Variants in RASL10B observed in about 807,000 individuals in gnomAD.
The protein encoded by RASL10B is RAS like family 10 member B.
In RASL10B, 10 loss-of-function variants were observed where a neutral mutation model predicts 20.7. That is an observed-to-expected ratio of 0.48 (90% CI 0.30 to 0.82). The LOEUF (loss-of-function observed/expected upper bound fraction) is 0.82. Ranked by LOEUF, RASL10B falls within the 40% of genes least tolerant of loss-of-function variation. RASL10B has a pLI of 0.07. For missense variants in RASL10B, 231 were observed against 295.4 expected (o/e 0.78, Z 1.60); for synonymous variants, 110 against 123.3 (o/e 0.89, Z 0.72).
intron 2 of RASL10B, among the ~76,000 whole-genome samples, chr17:35,736,097 G>A (rs587615203): frequency 2.0e-5 from 3 of 152,272 alleles, no homozygotes; most frequent in Admixed American, 2.0e-4. Context: ...CACCCTCCCT[G>A]CCAGGTTTGG....
chr17:35,733,610 A>C (rs1156452319), intron 1 of RASL10B, among the ~76,000 whole-genome samples: 1 of 152,158 alleles, frequency 6.6e-6, no homozygotes, highest in African/African-American at 2.4e-5. Context: ...CGGCGAACCC[A>C]CCTGCCCTGG....
chr17:35,741,331 C>A lies in RASL10B; in HGVS notation c.*26C>A, dbSNP rs1426056077. On this transcript the variant is annotated 3_prime_UTR_variant, in exon 4 of 4. Coordinates refer to ENST00000603017, the MANE Select transcript of RASL10B (RefSeq NM_033315.4). ...CGCCTGCGCGCCCCTCGGGCTGCAC[C>A]GGCACTGGCCGAGCGGAGGGCGGGG... The A allele has an allele frequency of 2.8e-6, 4 of 1,410,784 alleles. No individual in the cohort carries two copies. Among genetic ancestry groups the A allele is most frequent in the Non-Finnish European group, 3.7e-6 (4 of 1,086,744 alleles). 87.4% of individuals were successfully genotyped at this position (1,410,784 alleles called of 1,614,324 possible). A position where few individuals can be genotyped will look rare whatever the true frequency, so the allele number is the denominator to read the frequency against.
rs587629688 is a variant in RASL10B at position 35,742,315 on chromosome 17, A to G, written c.*1010A>G. On this transcript the variant is annotated 3_prime_UTR_variant, in exon 4 of 4. Transcript: ENST00000603017. The stretch of plus-strand genomic sequence containing the variant: ...AATTCTGTTGCCCCGTCTCAACCCC[A>G]TCTGACTACCCCAGACTCTGCCTGC... 6.6e-6 allele frequency: 1 copy of G among 152,476 alleles called. No homozygotes were observed. Among genetic ancestry groups the G allele is most frequent in the South Asian group, 2.1e-4 (1 of 4,826 alleles). 9.4% of individuals were successfully genotyped at this position (152,476 alleles called of 1,614,324 possible).
At chr17:35,734,019 G>A (rs1230333310) in intron 1 of RASL10B, among the ~76,000 whole-genome samples, 6 of 152,340 alleles carry the variant, frequency 3.9e-5, no homozygotes, top group African/African-American at 9.6e-5. Context: ...ACTTGGCCAG[G>A]CGCGGTGACT....
chr17:35,732,453 C>G (rs1450247903), intron 1 of RASL10B, among the ~76,000 whole-genome samples: 3 of 152,214 alleles, frequency 2.0e-5, no homozygotes, highest in Non-Finnish European at 4.4e-5. Context: ...CTGGGACAGC[C>G]CCCTCCCTTC....
At chr17:35,740,588 C>T in intron 3 of RASL10B, 55 bp downstream of exon 3, 2 of 1,590,546 alleles carry the variant, frequency 1.3e-6, no homozygotes, top group Non-Finnish European at 1.7e-6. Context: ...CAGTGCTAGC[C>T]AGTCCCTGTG....
rs1555597930 is a variant in RASL10B, at chr17:35,741,308, C to T, written c.*3C>T. The T allele has an allele frequency of 6.8e-7, 1 of 1,473,036 alleles. No individual in the cohort carries two copies. Among genetic ancestry groups the T allele is most frequent in the South Asian group, 1.3e-5 (1 of 74,932 alleles). 91.2% of individuals were successfully genotyped at this position (1,473,036 alleles called of 1,614,324 possible). ...GCAACCGCTGCGCCATCATGTGACG[C>T]CTGCGCGCCCCTCGGGCTGCACCGG... On this transcript the variant is annotated 3_prime_UTR_variant, in exon 4 of 4. Transcript: ENST00000603017.
intron 1 of RASL10B, among the ~76,000 whole-genome samples, chr17:35,732,464 C>A (rs1464316309): frequency 6.6e-6 from 1 of 152,224 alleles, no homozygotes; most frequent in South Asian, 2.1e-4. Flanking sequence ...CCCTCCCTTC[C>A]GCACTCAGCC....
At position 35,743,169 on chromosome 17, in the gene RASL10B, C is replaced by G. The variant is rs1287188569; in HGVS notation, c.*1864C>G. On this transcript the variant is annotated 3_prime_UTR_variant, in exon 4 of 4. Coordinates refer to ENST00000603017, the MANE Select transcript of RASL10B (RefSeq NM_033315.4). ...AACAAAGAGGGCCTGCCCCTTTAGT[C>G]TCCTGCACCCCTGCCCCCTGGTTCA... is the stretch of plus-strand genomic sequence containing the variant. The G allele has an allele frequency of 6.5e-6, 1 of 152,758 alleles. No individual in the cohort carries two copies. The highest frequency in any genetic ancestry group is 1.5e-5 in the Non-Finnish European group (1 of 68,148). The allele number at this position is 152,758 out of a possible 1,614,324, so 9.5% of individuals were successfully genotyped here. A position where few individuals can be genotyped will look rare whatever the true frequency, so the allele number is the denominator to read the frequency against.
intron 3 of RASL10B, 60 bp downstream of exon 3, chr17:35,740,593 C>T: frequency 4.4e-6 from 7 of 1,586,016 alleles, no homozygotes; most frequent in Non-Finnish European, 6.0e-6. Flanking sequence ...CTAGCCAGTC[C>T]CTGTGAAAAG....
At chr17:35,738,615 T>C (rs782294158) in intron 2 of RASL10B, among the ~76,000 whole-genome samples, 2 of 152,278 alleles carry the variant, frequency 1.3e-5, no homozygotes, top group Non-Finnish European at 2.9e-5. Flanking sequence ...TCCCTTTCTA[T>C]TGCTCCTTCT....
chr17:35,740,568 GT>G, intron 3 of RASL10B, 35 bp downstream of exon 3: 1 of 1,605,424 alleles, frequency 6.2e-7, no homozygotes, highest in African/African-American at 1.3e-5. Flanking sequence ...TGCCACCTCT[GT>G]GGATGCCCCA....
intron 2 of RASL10B, 71 bp from the exon 3 acceptor site, chr17:35,740,338 T>C: frequency 1.8e-5 from 29 of 1,570,896 alleles, no homozygotes; most frequent in Non-Finnish European, 2.5e-5. Flanking sequence ...GCCCCTCTGA[T>C]GGGAGGTGTT....
chr17:35,739,442 C>T (rs1308013500), intron 2 of RASL10B, among the ~76,000 whole-genome samples: 1 of 152,130 alleles, frequency 6.6e-6, no homozygotes, highest in Admixed American at 6.5e-5. Flanking sequence ...GCAGCTGGCA[C>T]GTTGACTAAT....
In RASL10B at chr17:35,742,098, CTTT is replaced by C. The variant is rs11306545; in HGVS notation, c.*803_*805del. 3 of 146,750 alleles carry C rather than the reference CTTT, an allele frequency of 2.0e-5. No individual in the cohort carries two copies. Among genetic ancestry groups the C allele is most frequent in the African/African-American group, 2.5e-5 (1 of 39,922 alleles). The allele number at this position is 146,750 out of a possible 1,614,324, so 9.1% of individuals were successfully genotyped here. ...CACCCCCTGGGTTAAAACTTTTTTT[CTTT>C]TTTTTTTTTGGACAGAGTGTGGAAA... On this transcript the variant is annotated 3_prime_UTR_variant, in exon 4 of 4. Coordinates refer to ENST00000603017, the MANE Select transcript of RASL10B (RefSeq NM_033315.4).
chr17:35,737,022 G>A (rs2085597580), intron 2 of RASL10B: 1 of 152,196 alleles, frequency 6.6e-6, no homozygotes, highest in Admixed American at 6.5e-5. Flanking sequence ...CCAAAGTACT[G>A]GGATTATAGG....
chr17:35,741,589 G>C lies in RASL10B; in HGVS notation c.*284G>C. On this transcript the variant is annotated 3_prime_UTR_variant, in exon 4 of 4. Coordinates refer to ENST00000603017, the MANE Select transcript of RASL10B (RefSeq NM_033315.4). ...CGGGGGTGCCACAGCCTTTTGGGATGGGGGTGAGCGTGCAATGGAGGCTGG... is the reference window on the plus strand; with the variant it reads ...CGGGGGTGCCACAGCCTTTTGGGATCGGGGTGAGCGTGCAATGGAGGCTGG... The C allele has an allele frequency of 2.5e-6, 1 of 394,016 alleles. No homozygotes were observed. The highest frequency in any genetic ancestry group is 4.4e-6 in the Non-Finnish European group (1 of 226,468). 24.4% of individuals were successfully genotyped at this position (394,016 alleles called of 1,614,324 possible).
At chr17:35,737,559 G>A (rs953454128) in intron 2 of RASL10B, among the ~76,000 whole-genome samples, 1 of 148,028 alleles carries the variant, frequency 6.8e-6, no homozygotes, top group Non-Finnish European at 1.5e-5. Flanking sequence ...TTACCGGAAA[G>A]GGCATTGCTG....
In RASL10B at chr17:35,740,563, C is replaced by T. The variant is rs374441159; in HGVS notation, c.341+30C>T. 45 of 1,606,374 alleles carry T rather than the reference C, an allele frequency of 2.8e-5. No individual in the cohort carries two copies. In the African/African-American group the frequency reaches 5.2e-4, roughly 19 times the overall value. On this transcript the variant is annotated intron_variant, in intron 3 of 3. Coordinates refer to ENST00000603017, the MANE Select transcript of RASL10B (RefSeq NM_033315.4). ...GAGGCTGGAACACAGTCCATTGCCACCTCTGTGGATGCCCCAGTGCTAGCC... is the reference window on the plus strand; with the variant it reads ...GAGGCTGGAACACAGTCCATTGCCATCTCTGTGGATGCCCCAGTGCTAGCC...
Sources: gnomAD v4.1 joint callset for allele counts (sites outside exome capture counted in the v4.1 genomes callset) on GRCh38, gnomAD v4.1.1 for gene constraint, MANE v1.5 for transcripts, NCBI Gene and HGNC (gene_info 2026-07-23, HGNC 2026-07-21) for gene names.